Variants in CSTF3 observed in about 807,000 individuals in gnomAD.
CSTF3 encodes the protein CF-1 77 kDa subunit.
A neutral mutation model predicts 105.8 loss-of-function variants in CSTF3; 29 were observed. The observed-to-expected ratio is 0.27, with a 90% confidence interval of 0.20 to 0.37. The LOEUF (loss-of-function observed/expected upper bound fraction) is 0.37. Ranked by LOEUF, CSTF3 falls within the 10% of genes least tolerant of loss-of-function variation. The pLI is 1.00. For missense variants in CSTF3, 357 were observed against 879.3 expected, an observed-to-expected ratio of 0.41 and a Z score of 7.51; for synonymous variants, 252 against 281.9, an observed-to-expected ratio of 0.89 and a Z score of 1.06.
chr11:33,094,055 C>T (rs143759964), intron 15 of CSTF3, among the ~76,000 whole-genome samples: 3 of 152,288 alleles, frequency 2.0e-5, no homozygotes, highest in Admixed American at 6.5e-5. Context: ...TAGTGACTAC[C>T]ATAATTGTGC....
At chr11:33,117,245 C>G (rs1452956017) in intron 3 of CSTF3, among the ~76,000 whole-genome samples, 1 of 151,708 alleles carries the variant, frequency 6.6e-6, no homozygotes, top group Non-Finnish European at 1.5e-5. Flanking sequence ...AAGAGAACCC[C>G]AGAGTACTTG....
chr11:33,119,472 A>AT (rs141846904), intron 3 of CSTF3, among the ~76,000 whole-genome samples: 18,848 of 151,736 alleles, frequency 0.12, 2,913 homozygotes, highest in African/African-American at 0.37. Flanking sequence ...TTTCTTAAAA[A>AT]TCACTTTCCA....
At chr11:33,087,273 A>G (rs769851227) in intron 17 of CSTF3, 132 bp from the exon 18 acceptor site, 4 of 882,472 alleles carry the variant, frequency 4.5e-6, no homozygotes, top group Non-Finnish European at 7.1e-6. Flanking sequence ...CGGATAAGCA[A>G]GGACTCTAAT....
At chr11:33,131,357 G>C (rs2133792651) in intron 3 of CSTF3, among the ~76,000 whole-genome samples, 1 of 152,228 alleles carries the variant, frequency 6.6e-6, no homozygotes, top group South Asian at 2.1e-4. Context: ...AATATTGATA[G>C]ACCTAATACT....
intron 1 of CSTF3, among the ~76,000 whole-genome samples, chr11:33,153,476 AATAAT>A (rs1483602355): frequency 2.0e-5 from 3 of 152,006 alleles, no homozygotes; most frequent in African/African-American, 7.2e-5. Context: ...TAATGACTGA[AATAAT>A]ATAATTTAAG....
chr11:33,110,400 T>G (rs184939394), intron 3 of CSTF3, among the ~76,000 whole-genome samples: 1 of 152,248 alleles, frequency 6.6e-6, no homozygotes, highest in African/African-American at 2.4e-5. Flanking sequence ...AAATTTTCTA[T>G]GGGTCAGCTT....
At chr11:33,115,882 C>T (rs778317409) in intron 3 of CSTF3, among the ~76,000 whole-genome samples, 23 of 152,090 alleles carry the variant, frequency 1.5e-4, no homozygotes, top group Non-Finnish European at 3.1e-4. Flanking sequence ...AATTTGAGAC[C>T]AGTCTGGGCA....
chr11:33,086,025 G>A lies in CSTF3; in HGVS notation c.1796-36C>T, dbSNP rs373168530. ...AAGAAAAGTATGAATCAAGTGGAAT[G>A]GAAGAATTTCTACACAGAGCTAAAA... On this transcript the variant is annotated intron_variant, in intron 18 of 20. Transcript: ENST00000323959. 5.3e-6 allele frequency: 7 copies of A among 1,325,824 alleles called. No individual in the cohort carries two copies. The African/African-American group carries it at 1.0e-4, about 20-fold the overall frequency. 82.1% of individuals were successfully genotyped at this position (1,325,824 alleles called of 1,614,324 possible).
intron 13 of CSTF3, among the ~76,000 whole-genome samples, 160 bp from the exon 14 acceptor site, chr11:33,097,138 ATTAAT>A (rs915697609): frequency 2.0e-5 from 3 of 152,196 alleles, no homozygotes; most frequent in African/African-American, 4.8e-5. Flanking sequence ...ATGCATGCAA[ATTAAT>A]TTATTTTTTT....
chr11:33,152,408 C>T (rs528811405), intron 1 of CSTF3, among the ~76,000 whole-genome samples: 1 of 152,312 alleles, frequency 6.6e-6, no homozygotes, highest in South Asian at 2.1e-4. Context: ...GGACTACAGG[C>T]GTGCACCACC....
At chr11:33,085,423 T>A in intron 20 of CSTF3, 134 bp from the exon 21 acceptor site, 2 of 765,576 alleles carry the variant, frequency 2.6e-6, no homozygotes, top group Non-Finnish European at 4.0e-6. Flanking sequence ...ACTAAATAAT[T>A]AAAGAAAAAG....
rs1039196246 is a variant in CSTF3, at chr11:33,119,412, A to C, written c.226-10994T>G. 2.6e-5 allele frequency among the ~76,000 whole-genome samples: 4 copies of C among 151,872 alleles called. No homozygotes were observed. In the East Asian group the frequency reaches 7.7e-4, roughly 29 times the overall value. Reference sequence around the variant, plus strand: ...ATTTATTTATTCTATGAAATCAAGTATAACATTTATAGTAGATACCCAGTA... The same window carrying C: ...ATTTATTTATTCTATGAAATCAAGTCTAACATTTATAGTAGATACCCAGTA... On this transcript the variant is annotated intron_variant, in intron 3 of 20. Coordinates refer to ENST00000323959, the MANE Select transcript of CSTF3 (RefSeq NM_001326.3).
intron 3 of CSTF3, among the ~76,000 whole-genome samples, chr11:33,115,726 C>G (rs1471593990): frequency 6.6e-6 from 1 of 152,118 alleles, no homozygotes; most frequent in Non-Finnish European, 1.5e-5. Context: ...ATCTGTACTT[C>G]CTAATTTTCC....
chr11:33,087,750 C>A (rs566745582), intron 17 of CSTF3, among the ~76,000 whole-genome samples: 24 of 152,318 alleles, frequency 1.6e-4, no homozygotes, highest in African/African-American at 5.5e-4. Flanking sequence ...GACTGAAGCT[C>A]ACAAAGGTTT....
chr11:33,147,647 TTAAC>T (rs1337229029), intron 1 of CSTF3, among the ~76,000 whole-genome samples: 1 of 151,828 alleles, frequency 6.6e-6, no homozygotes, highest in Non-Finnish European at 1.5e-5. Flanking sequence ...ATGATAACGA[TTAAC>T]TAAGAAATAA....
chr11:33,120,078 A>C (rs997482270), intron 3 of CSTF3, among the ~76,000 whole-genome samples: 1 of 151,800 alleles, frequency 6.6e-6, no homozygotes, highest in African/African-American at 2.4e-5. Context: ...GGTCAATCTA[A>C]AGAAACAATT....
At chr11:33,092,498 A>G (rs1181767681) in intron 15 of CSTF3, among the ~76,000 whole-genome samples, 158 bp from the exon 16 acceptor site, 2 of 152,238 alleles carry the variant, frequency 1.3e-5, no homozygotes, top group Non-Finnish European at 2.9e-5. Context: ...CTTGAGCTTC[A>G]GAAAGATTAA....
intron 1 of CSTF3, among the ~76,000 whole-genome samples, chr11:33,157,539 T>C (rs950352764): frequency 6.6e-6 from 1 of 152,074 alleles, no homozygotes; most frequent in Non-Finnish European, 1.5e-5. Context: ...TATAAGGTAA[T>C]TCCAATAGCT....
intron 3 of CSTF3, among the ~76,000 whole-genome samples, chr11:33,133,102 C>T (rs1248683273): frequency 6.6e-6 from 1 of 152,002 alleles, no homozygotes; most frequent in African/African-American, 2.4e-5. Context: ...ACTATACTCA[C>T]TAGTAAGCTT....
Sources: allele counts gnomAD v4.1 joint callset (sites outside exome capture counted in the v4.1 genomes callset), GRCh38; gene constraint gnomAD v4.1.1; transcripts MANE v1.5; gene names NCBI Gene and HGNC (gene_info 2026-07-23, HGNC 2026-07-21).